Variants in RXFP1 observed in about 807,000 individuals in gnomAD.
The protein encoded by RXFP1 is relaxin family peptide receptor 1, also known as relaxin receptor 1.
A neutral mutation model predicts 89.8 loss-of-function variants in RXFP1; 73 were observed. The ratio of observed to expected loss-of-function variants is 0.81; its 90% CI spans 0.67 to 0.99. The LOEUF is 0.99. RXFP1 is among the 50% of genes least tolerant of loss of function. The probability of loss-of-function intolerance (pLI) is 0.00; values close to 1 mark genes in which losing one functional copy is unlikely to be tolerated. For synonymous variants in RXFP1, 277 were observed against 305.5 expected, an observed-to-expected ratio of 0.91 and a Z score of 0.97; for missense variants, 793 against 895.5, an observed-to-expected ratio of 0.89 and a Z score of 1.46.
chr4:158,527,479 G>T (rs1742814096), intron 1 of RXFP1, among the ~76,000 whole-genome samples: 1 of 148,458 alleles, frequency 6.7e-6, no homozygotes, highest in South Asian at 2.1e-4. Flanking sequence ...GGAGGCAAAG[G>T]TTGCAATCAG....
At chr4:158,614,765 G>T (rs762781296) in intron 8 of RXFP1, among the ~76,000 whole-genome samples, 1 of 152,054 alleles carries the variant, frequency 6.6e-6, no homozygotes, top group South Asian at 2.1e-4. Flanking sequence ...TTTCCTTCAA[G>T]AATTGTCCTT....
chr4:158,548,964 G>A (rs202097279), intron 1 of RXFP1, among the ~76,000 whole-genome samples: 29,521 of 150,262 alleles, frequency 0.2, 3,786 homozygotes, highest in African/African-American at 0.36. Context: ...TCTTTGTGGC[G>A]TTCTCTGTAT....
chr4:158,605,904 T>C (rs1762466972), intron 5 of RXFP1, among the ~76,000 whole-genome samples: 1 of 152,194 alleles, frequency 6.6e-6, no homozygotes, highest in African/African-American at 2.4e-5. Context: ...GGAAACCTGA[T>C]AAATTAATAT....
chr4:158,574,247 G>A (rs1755753600), intron 2 of RXFP1, among the ~76,000 whole-genome samples: 1 of 152,182 alleles, frequency 6.6e-6, no homozygotes, highest in South Asian at 2.1e-4. Context: ...ATTATGCAAA[G>A]TGTCACATAA....
At chr4:158,632,900 A>AGTG (rs1768370989) in intron 11 of RXFP1, among the ~76,000 whole-genome samples, 1 of 152,184 alleles carries the variant, frequency 6.6e-6, no homozygotes, top group East Asian at 1.9e-4. Flanking sequence ...GGCCAGGTGC[A>AGTG]GTGGCTCACG....
chr4:158,616,382 T>C (rs1764569371), intron 8 of RXFP1, among the ~76,000 whole-genome samples: 2 of 152,048 alleles, frequency 1.3e-5, no homozygotes, highest in Middle Eastern at 6.8e-3. Context: ...TGAGCCAAGA[T>C]TGCACCACTG....
chr4:158,645,090 A>G lies in RXFP1; in HGVS notation c.1297A>G (p.Ile433Val). The G allele has an allele frequency of 6.2e-7, 1 of 1,614,148 alleles. No individual in the cohort carries two copies. The highest frequency in any genetic ancestry group is 1.3e-5 in the African/African-American group (1 of 75,056). The change falls in exon 15 of 18, where the codon ATC (isoleucine) becomes GTC (valine). Residue 433 changes from isoleucine to valine, a missense_variant. By Grantham distance (29) the Ile-to-Val change is conservative (BLOSUM62 3). Coordinates refer to ENST00000307765, the MANE Select transcript of RXFP1 (RefSeq NM_021634.4). Reference sequence around the variant, plus strand: ...TTTTGTCATTTGCATGCGACCTTATATCAGGTCTGAGAACAAGCTGTATGC... The same window carrying G: ...TTTTGTCATTTGCATGCGACCTTATGTCAGGTCTGAGAACAAGCTGTATGC... ...NIFVICMRPY[I>V]RSENKLYAMS...
chr4:158,617,544 A>G (rs1165371434), intron 9 of RXFP1, among the ~76,000 whole-genome samples: 1 of 151,978 alleles, frequency 6.6e-6, no homozygotes, highest in African/African-American at 2.4e-5. Context: ...AATTTGGTAC[A>G]GAAAGACTAA....
intron 2 of RXFP1, among the ~76,000 whole-genome samples, chr4:158,574,744 A>G (rs1440442914): frequency 1.3e-5 from 2 of 152,100 alleles, no homozygotes; most frequent in Non-Finnish European, 2.9e-5. Flanking sequence ...TTATAACTTG[A>G]TCTGATTTTA....
intron 1 of RXFP1, among the ~76,000 whole-genome samples, chr4:158,553,581 C>T (rs1326734730): frequency 3.3e-5 from 5 of 152,048 alleles, no homozygotes; most frequent in African/African-American, 7.3e-5. Flanking sequence ...TGTGCAGGTA[C>T]GGGGTAGGCC....
intron 2 of RXFP1, among the ~76,000 whole-genome samples, chr4:158,576,132 A>G (rs1204200766): frequency 6.6e-6 from 1 of 152,234 alleles, no homozygotes; most frequent in Non-Finnish European, 1.5e-5. Context: ...TCTATGTAAA[A>G]AATAACTATT....
intron 17 of RXFP1, among the ~76,000 whole-genome samples, chr4:158,650,660 CTT>C (rs937709835): frequency 7.9e-5 from 12 of 151,778 alleles, no homozygotes; most frequent in Non-Finnish European, 1.6e-4. Context: ...GTCCCAGCTA[CTT>C]GGGAGGCTGA....
intron 1 of RXFP1, among the ~76,000 whole-genome samples, chr4:158,522,337 T>A (rs1230477755): frequency 6.6e-6 from 1 of 152,224 alleles, no homozygotes; most frequent in Non-Finnish European, 1.5e-5. Flanking sequence ...TTAAACTGTA[T>A]TCAAGGAATA....
chr4:158,543,336 T>A (rs918418090), intron 1 of RXFP1, among the ~76,000 whole-genome samples: 2 of 151,926 alleles, frequency 1.3e-5, no homozygotes, highest in Non-Finnish European at 2.9e-5. Context: ...AGGGGAAGAG[T>A]GATGTAAAGC....
chr4:158,627,197 G>C (rs1767025075), intron 10 of RXFP1, among the ~76,000 whole-genome samples: 1 of 152,090 alleles, frequency 6.6e-6, no homozygotes, highest in African/African-American at 2.4e-5. Context: ...AAACCTTGAA[G>C]TGTTAATGAG....
intron 5 of RXFP1, 29 bp from the exon 6 acceptor site, chr4:158,607,943 T>A: frequency 2.0e-6 from 3 of 1,476,918 alleles, no homozygotes; most frequent in Non-Finnish European, 2.8e-6. Context: ...TGCTTCATTT[T>A]TTTTTCTTTT....
rs1429792743 is a variant in RXFP1, at chr4:158,605,090, A to T, written c.415A>T (p.Arg139Ter). The T allele has an allele frequency of 3.1e-6, 5 of 1,590,508 alleles. No individual in the cohort carries two copies. Among genetic ancestry groups the T allele is most frequent in the African/African-American group, 2.7e-5 (2 of 74,520 alleles). The change falls in exon 5 of 18, where the codon AGA becomes TGA. Residue 139 changes from arginine (R) to a stop codon, truncating the protein, a stop_gained. Transcript: ENST00000307765. LOFTEE classifies it high-confidence loss of function. ...TAMSLQWNLI[R>*]KLPPDCFKNY... ...CAGGTCACTTCAGTGGAACTTAATAAGAAAGCTTCCTCCTGATTGCTTCAA... is the reference window on the plus strand; with the variant it reads ...CAGGTCACTTCAGTGGAACTTAATATGAAAGCTTCCTCCTGATTGCTTCAA...
intron 11 of RXFP1, among the ~76,000 whole-genome samples, chr4:158,630,352 A>G (rs1478106961): frequency 6.6e-6 from 1 of 152,250 alleles, no homozygotes; most frequent in African/African-American, 2.4e-5. Flanking sequence ...TATCATCAGC[A>G]CATAGGAAAG....
At position 158,617,607 on chromosome 4, in the gene RXFP1, A is replaced by G. The variant is rs72963782; in HGVS notation, c.755+402A>G. On this transcript the variant is annotated intron_variant, in intron 9 of 17. Transcript: ENST00000307765. ...GAATAATAAGAATATGATATTTAGC[A>G]TTTATTTTTCAAAAACTAATCATGA... Among the ~76,000 whole-genome samples the G allele has an allele frequency of 3.4e-3, 515 of 151,978 alleles. 8 individuals are homozygous for G. The highest frequency in any genetic ancestry group is 0.012 in the African/African-American group (491 of 41,334).
Sources: allele counts gnomAD v4.1 joint callset (sites outside exome capture counted in the v4.1 genomes callset), GRCh38; gene constraint gnomAD v4.1.1; transcripts MANE v1.5; gene names NCBI Gene and HGNC (gene_info 2026-07-23, HGNC 2026-07-21).